GRM7: variants seen among roughly 807,000 people sequenced by gnomAD.
GRM7 encodes the protein metabotropic glutamate receptor 7.
GRM7 carries 35 observed loss-of-function variants against 84.5 expected under a neutral mutation model. The ratio of observed to expected loss-of-function variants is 0.41; its 90% CI spans 0.32 to 0.55. The LOEUF is 0.55. Among genes scored for constraint, GRM7 ranks in the 20% least tolerant of loss-of-function variants. The probability of loss-of-function intolerance (pLI) is 0.19; values close to 1 mark genes in which losing one functional copy is unlikely to be tolerated. For missense variants in GRM7, 1,003 were observed against 1,194.6 expected, an observed-to-expected ratio of 0.84 and a Z score of 2.36; for synonymous variants, 487 against 455.1, an observed-to-expected ratio of 1.07 and a Z score of -0.89.
chr3:7,305,220 AAC>A (rs1274062816), intron 3 of GRM7, among the ~76,000 whole-genome samples: 1 of 151,862 alleles, frequency 6.6e-6, no homozygotes, highest in Non-Finnish European at 1.5e-5. Context: ...CTGCAGTTTT[AAC>A]ACCTCTTATC....
Position 7,578,653 on chromosome 3 carries a change from A to G in GRM7, c.1747A>G (p.Lys583Glu), listed in dbSNP as rs756633637. 6.2e-7 allele frequency: 1 copy of G among 1,613,964 alleles called. No individual in the cohort carries two copies. Among genetic ancestry groups the G allele is most frequent in the Non-Finnish European group, 8.5e-7 (1 of 1,179,900 alleles). The part of the protein sequence containing the change: ...RTGCQDIPII[K>E]LEWHSPWAVI... ...CGGATGCCAGGATATTCCCATCATC[A>G]AACTGGAGTGGCACTCCCCCTGGGC... Residue 583 changes from lysine (K) to glutamate (E), a missense_variant, in exon 8 of 10, where the codon AAA (lysine) becomes GAA (glutamate). Lys to Glu is a moderately conservative substitution (Grantham distance 56). Transcript: ENST00000357716.
intron 9 of GRM7, among the ~76,000 whole-genome samples, chr3:7,684,006 G>A (rs996608438): frequency 3.9e-5 from 6 of 152,166 alleles, no homozygotes; most frequent in Non-Finnish European, 8.8e-5. Context: ...ATCTCAAAAC[G>A]AGCCACTAAT....
intron 8 of GRM7, among the ~76,000 whole-genome samples, chr3:7,635,439 C>G (rs1224258977): frequency 6.6e-6 from 1 of 152,176 alleles, no homozygotes; most frequent in Admixed American, 6.5e-5. Flanking sequence ...CAACCTAACT[C>G]CTTAATAAAA....
At chr3:7,051,350 A>G (rs1386968409) in intron 1 of GRM7, among the ~76,000 whole-genome samples, 1 of 151,784 alleles carries the variant, frequency 6.6e-6, no homozygotes, top group African/African-American at 2.4e-5. Context: ...TAGAAGAATA[A>G]AAATTCCTGC....
At chr3:7,690,965 A>G in intron 9 of GRM7, 1 of 319,584 alleles carries the variant, frequency 3.1e-6, no homozygotes, top group Non-Finnish European at 6.2e-6. Context: ...GTGAATGAGC[A>G]TCTTCCCAAT....
intron 1 of GRM7, among the ~76,000 whole-genome samples, chr3:6,990,070 A>C (rs1469025526): frequency 6.6e-6 from 1 of 152,156 alleles, no homozygotes; most frequent in African/African-American, 2.4e-5. Context: ...CCCTTCCTGA[A>C]GGGCTGTGCC....
At chr3:7,146,710 G>C in intron 2 of GRM7, 42 bp downstream of exon 2, 2 of 1,389,620 alleles carry the variant, frequency 1.4e-6, no homozygotes, top group Non-Finnish European at 2.0e-6. Flanking sequence ...CTCTTCAAAC[G>C]TCTGTGGCTT....
At chr3:6,880,163 T>C (rs1695456678) in intron 1 of GRM7, among the ~76,000 whole-genome samples, 1 of 152,164 alleles carries the variant, frequency 6.6e-6, no homozygotes, top group Non-Finnish European at 1.5e-5. Flanking sequence ...GAATGGGTAA[T>C]TAATCAGATG....
At chr3:7,569,036 G>A (rs1694500038) in intron 7 of GRM7, among the ~76,000 whole-genome samples, 1 of 152,200 alleles carries the variant, frequency 6.6e-6, no homozygotes, top group Admixed American at 6.5e-5. Flanking sequence ...GGATCCACTG[G>A]ATGAAGCCAG....
chr3:7,265,548 C>T (rs1321328061), intron 2 of GRM7, among the ~76,000 whole-genome samples: 2 of 151,968 alleles, frequency 1.3e-5, no homozygotes, highest in East Asian at 3.9e-4. Flanking sequence ...GTGTTTGGTC[C>T]CAAGAGAAAG....
At chr3:7,100,654 C>T (rs915711936) in intron 1 of GRM7, among the ~76,000 whole-genome samples, 1 of 151,678 alleles carries the variant, frequency 6.6e-6, no homozygotes, top group African/African-American at 2.4e-5. Flanking sequence ...AATTTACATA[C>T]AGTGAAATGC....
chr3:6,942,159 C>G (rs1423533933), intron 1 of GRM7, among the ~76,000 whole-genome samples: 1 of 150,546 alleles, frequency 6.6e-6, no homozygotes, highest in Non-Finnish European at 1.5e-5. Flanking sequence ...TTTTTATTAT[C>G]CCTCCCTACC....
At chr3:7,692,939 C>T (rs1700862518) in intron 9 of GRM7, among the ~76,000 whole-genome samples, 1 of 151,060 alleles carries the variant, frequency 6.6e-6, no homozygotes. Context: ...AATCTAACTT[C>T]AGGGCCACTG....
At chr3:7,173,389 C>T (rs555602920) in intron 2 of GRM7, among the ~76,000 whole-genome samples, 71 of 152,098 alleles carry the variant, frequency 4.7e-4, no homozygotes, top group Non-Finnish European at 8.2e-4. Flanking sequence ...CACCCCTCTC[C>T]GGCTCCACCC....
At chr3:7,321,023 A>T (rs76811797) in intron 4 of GRM7, among the ~76,000 whole-genome samples, 13,847 of 151,956 alleles carry the variant, frequency 0.091, 856 homozygotes, top group Non-Finnish European at 0.14. Flanking sequence ...TTGACAAAGT[A>T]TCCTAGTGCT....
At chr3:7,397,366 C>G (rs926490302) in intron 4 of GRM7, among the ~76,000 whole-genome samples, 3 of 152,098 alleles carry the variant, frequency 2.0e-5, no homozygotes, top group Non-Finnish European at 4.4e-5. Flanking sequence ...TCCCTTGACT[C>G]AAAGCCATTA....
rs78955475 is a variant in GRM7, at chr3:7,116,859, C to T, written c.520-29593C>T. ...GGATCAGGCATTAAATGAGTTCTCT[C>T]TCAGTGTTCAAGTTTCAATTGCTAT... On this transcript the variant is annotated intron_variant, in intron 1 of 9. Coordinates refer to ENST00000357716, the MANE Select transcript of GRM7 (RefSeq NM_000844.4). Among the ~76,000 whole-genome samples, 8 of 152,238 alleles carry T rather than the reference C, an allele frequency of 5.3e-5. No individual in the cohort carries two copies. In the East Asian group the frequency reaches 1.4e-3, roughly 26 times the overall value.
chr3:7,713,119 GTTTT>G (rs1701641138), intron 9 of GRM7, among the ~76,000 whole-genome samples: 4 of 55,642 alleles, frequency 7.2e-5, no homozygotes, highest in Non-Finnish European at 1.1e-4. Context: ...TTCGAATTTT[GTTTT>G]GTTTTTTTTT....
intron 9 of GRM7, 41 bp downstream of exon 9, chr3:7,680,336 C>G (rs1354800846): frequency 6.2e-7 from 1 of 1,604,832 alleles, no homozygotes; most frequent in Non-Finnish European, 8.5e-7. Context: ...CACCCTGCAT[C>G]AGGAAGCTCT....
Sources: allele counts gnomAD v4.1 joint callset (sites outside exome capture counted in the v4.1 genomes callset), GRCh38; gene constraint gnomAD v4.1.1; transcripts MANE v1.5; gene names NCBI Gene and HGNC (gene_info 2026-07-23, HGNC 2026-07-21).